Variants in GMDS observed in about 807,000 individuals in gnomAD.
GMDS encodes GDP-mannose 4,6-dehydratase, also known as GDP-mannose 4,6 dehydratase.
A neutral mutation model predicts 49.9 loss-of-function variants in GMDS; 20 were observed. The ratio of observed to expected loss-of-function variants is 0.40; its 90% CI spans 0.28 to 0.58. GMDS has a LOEUF of 0.58. Ranked by LOEUF, GMDS falls within the 20% of genes least tolerant of loss-of-function variation. The pLI, the probability that GMDS is intolerant of heterozygous loss-of-function variation, is 0.42. For synonymous variants in GMDS, 177 were observed against 178.6 expected (o/e 0.99, Z 0.07); for missense variants, 362 against 481.4 (o/e 0.75, Z 2.32).
intron 1 of GMDS, among the ~76,000 whole-genome samples, chr6:2,220,744 C>T (rs970372060): frequency 2.6e-5 from 4 of 151,650 alleles, no homozygotes; most frequent in African/African-American, 4.9e-5. Flanking sequence ...CATTTCTCTA[C>T]GTATATGAAA....
Position 1,969,187 on chromosome 6 carries a change from G to A in GMDS, c.346-8221C>T, listed in dbSNP as rs556460243. Among the ~76,000 whole-genome samples the A allele has an allele frequency of 3.7e-3, 425 of 115,328 alleles. 1 individual carries two copies. The highest frequency in any genetic ancestry group is 0.013 in the Middle Eastern group (3 of 238). 75.7% of individuals were successfully genotyped at this position (115,328 alleles called of 152,430 possible). A position where few individuals can be genotyped will look rare whatever the true frequency, so the allele number is the denominator to read the frequency against. On this transcript the variant is annotated intron_variant, in intron 4 of 10. Coordinates refer to ENST00000380815, the MANE Select transcript of GMDS (RefSeq NM_001500.4). Reference sequence around the variant, plus strand: ...TGAGGCAGGAGAATGGTGTGAACCCGGGAGGCGGCGCTTGCAGTGAGCTGA... The same window carrying A: ...TGAGGCAGGAGAATGGTGTGAACCCAGGAGGCGGCGCTTGCAGTGAGCTGA...
At chr6:1,634,783 G>A (rs1392186421) in intron 9 of GMDS, among the ~76,000 whole-genome samples, 1 of 152,188 alleles carries the variant, frequency 6.6e-6, no homozygotes, top group African/African-American at 2.4e-5. Context: ...TCCAGTCACA[G>A]ATGTGGTGAG....
At chr6:1,947,709 T>C (rs922639216) in intron 6 of GMDS, among the ~76,000 whole-genome samples, 8 of 152,202 alleles carry the variant, frequency 5.3e-5, no homozygotes, top group African/African-American at 1.9e-4. Flanking sequence ...TAGGAATCAT[T>C]AGAGTTTGTC....
chr6:1,630,748 T>C (rs531494505), intron 9 of GMDS, among the ~76,000 whole-genome samples: 1 of 152,340 alleles, frequency 6.6e-6, no homozygotes, highest in African/African-American at 2.4e-5. Flanking sequence ...GTGGAGTTAA[T>C]TTTTTGTCAG....
At chr6:1,750,678 T>C (rs1767685289) in intron 7 of GMDS, among the ~76,000 whole-genome samples, 3 of 149,272 alleles carry the variant, frequency 2.0e-5, no homozygotes, top group East Asian at 2.0e-4. Context: ...CTGCAGGAGG[T>C]TTTTTTTCAT....
At chr6:1,642,896 G>A (rs2569863) in intron 9 of GMDS, among the ~76,000 whole-genome samples, 13,358 of 152,130 alleles carry the variant, frequency 0.088, 647 homozygotes, top group African/African-American at 0.12. Flanking sequence ...TCCTTATGGA[G>A]TCCCCTTCCT....
chr6:1,960,889 A>G lies in GMDS; in HGVS notation c.423T>C (p.Thr141=), dbSNP rs201383431. 7 of 1,611,452 alleles carry G rather than the reference A, an allele frequency of 4.3e-6. No individual in the cohort carries two copies. In the East Asian group the frequency reaches 8.9e-5, roughly 21 times the overall value. ...ACTTCACAGAGTTGATAAGGCCACA[A>G]GTCTTAACTGCATCTAGAAGTCGTA... is the stretch of plus-strand genomic sequence containing the variant. ...GTLRLLDAVK[T]CGLINSVKFY... is the part of the protein sequence containing the mutation. The change falls in exon 5 of 11, where the codon ACT becomes ACC. Residue 141 remains threonine, a synonymous_variant. Coordinates refer to ENST00000380815, the MANE Select transcript of GMDS (RefSeq NM_001500.4).
intron 6 of GMDS, among the ~76,000 whole-genome samples, chr6:1,938,164 G>A (rs532835604): frequency 3.3e-5 from 5 of 152,278 alleles, no homozygotes; most frequent in South Asian, 2.1e-4. Context: ...ATTTAGAGGT[G>A]ATAAAGTAAG....
intron 4 of GMDS, among the ~76,000 whole-genome samples, chr6:1,965,841 G>A (rs185313010): frequency 4.6e-5 from 7 of 151,936 alleles, no homozygotes; most frequent in East Asian, 1.9e-4. Context: ...AAAATGAAAC[G>A]TAGGTTAAAA....
intron 1 of GMDS, among the ~76,000 whole-genome samples, chr6:2,180,244 A>G (rs1290549710): frequency 6.6e-6 from 1 of 152,240 alleles, no homozygotes; most frequent in East Asian, 1.9e-4. Flanking sequence ...TAAAAGATGA[A>G]GGATGTCAAG....
chr6:1,843,585 T>G lies in GMDS; in HGVS notation c.771+86518A>C, dbSNP rs149464833. On this transcript the variant is annotated intron_variant, in intron 7 of 10. Transcript: ENST00000380815. ...GAGTTTGAGACCAGCCTGGGCAACA[T>G]GGCGAAACCTTATCTCTACTGAAAA... is the stretch of plus-strand genomic sequence containing the variant. Among the ~76,000 whole-genome samples the G allele has an allele frequency of 3.4e-3, 522 of 152,230 alleles. 12 individuals carry two copies. Among genetic ancestry groups the G allele is most frequent in the Admixed American group, 0.029 (444 of 15,286 alleles).
At chr6:1,774,606 T>A (rs1477829491) in intron 7 of GMDS, among the ~76,000 whole-genome samples, 1 of 152,222 alleles carries the variant, frequency 6.6e-6, no homozygotes, top group African/African-American at 2.4e-5. Flanking sequence ...ATGCACACAC[T>A]CGTCCTTCTG....
At chr6:1,744,691 T>C (rs1305397030) in intron 7 of GMDS, among the ~76,000 whole-genome samples, 1 of 152,240 alleles carries the variant, frequency 6.6e-6, no homozygotes, top group Non-Finnish European at 1.5e-5. Flanking sequence ...CACCAAGGCC[T>C]GTGTGCACGA....
chr6:1,710,612 C>A (rs904711176), intron 9 of GMDS, among the ~76,000 whole-genome samples: 1 of 142,946 alleles, frequency 7.0e-6, no homozygotes, highest in Non-Finnish European at 1.5e-5. Context: ...GAATGGTCCC[C>A]CTAGACCTGG....
intron 7 of GMDS, among the ~76,000 whole-genome samples, chr6:1,758,304 G>A (rs1768028221): frequency 6.6e-6 from 1 of 152,188 alleles, no homozygotes; most frequent in Admixed American, 6.5e-5. Flanking sequence ...TTTCATCAGC[G>A]ATGACAACTG....
intron 1 of GMDS, among the ~76,000 whole-genome samples, chr6:2,162,271 T>C (rs1219807633): frequency 6.6e-6 from 1 of 152,118 alleles, no homozygotes; most frequent in Non-Finnish European, 1.5e-5. Flanking sequence ...GACCTGGGAA[T>C]TGTGAGTAAG....
At chr6:2,016,505 T>C (rs1241285358) in intron 4 of GMDS, among the ~76,000 whole-genome samples, 1 of 152,178 alleles carries the variant, frequency 6.6e-6, no homozygotes, top group Non-Finnish European at 1.5e-5. Flanking sequence ...AGAACTATTA[T>C]TGGATATTTC....
chr6:1,892,745 TAGG>T (rs1380019250), intron 7 of GMDS, among the ~76,000 whole-genome samples: 1 of 152,236 alleles, frequency 6.6e-6, no homozygotes, highest in Non-Finnish European at 1.5e-5. Flanking sequence ...AGGGTGGCTT[TAGG>T]TTCACAGTGT....
chr6:1,708,803 C>T (rs12197419), intron 9 of GMDS, among the ~76,000 whole-genome samples: 94,360 of 152,158 alleles, frequency 0.62, 31,996 homozygotes, highest in Non-Finnish European at 0.76. Flanking sequence ...CGTCTCTGTA[C>T]GCTGCATCTC....
Sources: gnomAD v4.1 joint callset for allele counts (sites outside exome capture counted in the v4.1 genomes callset) on GRCh38, gnomAD v4.1.1 for gene constraint, MANE v1.5 for transcripts, NCBI Gene and HGNC (gene_info 2026-07-23, HGNC 2026-07-21) for gene names.